Variants in NTM observed in about 807,000 individuals in gnomAD.
The protein encoded by NTM is neurotrimin.
A neutral mutation model predicts 42.1 loss-of-function variants in NTM; 13 were observed. That is an observed-to-expected ratio of 0.31 (90% CI 0.20 to 0.49). The LOEUF is 0.49. Among genes scored for constraint, NTM ranks in the 20% least tolerant of loss-of-function variants. NTM has a pLI of 0.99. For missense variants in NTM, 373 were observed against 452.8 expected, an observed-to-expected ratio of 0.82 and a Z score of 1.60; for synonymous variants, 187 against 179.2, an observed-to-expected ratio of 1.04 and a Z score of -0.35.
chr11:131,517,434 A>T (rs766411980), intron 1 of NTM, among the ~76,000 whole-genome samples: 2 of 152,148 alleles, frequency 1.3e-5, no homozygotes, highest in Non-Finnish European at 2.9e-5. Context: ...TTATAATTAC[A>T]AGAGGAATTA....
At chr11:131,644,612 C>T (rs1241499068) in intron 1 of NTM, among the ~76,000 whole-genome samples, 1 of 152,116 alleles carries the variant, frequency 6.6e-6, no homozygotes, top group Non-Finnish European at 1.5e-5. Flanking sequence ...TTGAGAAATC[C>T]TTTCATATTT....
At chr11:131,456,575 G>A (rs1216836141) in intron 1 of NTM, among the ~76,000 whole-genome samples, 2 of 146,210 alleles carry the variant, frequency 1.4e-5, no homozygotes, top group South Asian at 2.1e-4. Flanking sequence ...TAAGCAGCTT[G>A]CAAAGAGGGG....
intron 2 of NTM, among the ~76,000 whole-genome samples, chr11:131,931,175 T>C (rs2058558903): frequency 6.6e-6 from 1 of 152,138 alleles, no homozygotes; most frequent in South Asian, 2.1e-4. Context: ...AGGCCAGGTG[T>C]GGTGGCTTAC....
At chr11:131,638,609 C>T (rs1592319496) in intron 1 of NTM, among the ~76,000 whole-genome samples, 1 of 130,436 alleles carries the variant, frequency 7.7e-6, no homozygotes, top group Non-Finnish European at 1.7e-5. Context: ...AGGTAAATCA[C>T]ATAAAGAAAA....
chr11:131,716,594 T>G (rs2077714535), intron 1 of NTM, among the ~76,000 whole-genome samples: 1 of 152,198 alleles, frequency 6.6e-6, no homozygotes, highest in African/African-American at 2.4e-5. Flanking sequence ...AATTTGCATT[T>G]CCCTGATGAC....
intron 4 of NTM, among the ~76,000 whole-genome samples, chr11:132,223,401 A>G (rs2085545770): frequency 1.3e-5 from 2 of 152,200 alleles, no homozygotes. Context: ...GGATTCATTA[A>G]GAAGATACCT....
chr11:132,136,372 G>A (rs76482572), intron 2 of NTM, among the ~76,000 whole-genome samples: 2,193 of 152,330 alleles, frequency 0.014, 58 homozygotes, highest in African/African-American at 0.05. Context: ...AGGTCACTTA[G>A]TGAGAGAACA....
chr11:131,451,615 T>C lies in NTM; in HGVS notation c.82+80727T>C, dbSNP rs188538029. On this transcript the variant is annotated intron_variant, in intron 1 of 8. Transcript: ENST00000683400. ...GGTCATCTGGACATTTTGTAAGAGA[T>C]GGGTATGGCTGGAACAGGTGTTTAG... is the stretch of plus-strand genomic sequence containing the variant. Among the ~76,000 whole-genome samples, 120 of 152,046 alleles carry C rather than the reference T, an allele frequency of 7.9e-4. No individual in the cohort carries two copies. In the South Asian group the frequency reaches 0.015, roughly 20 times the overall value.
At chr11:132,264,651 A>T (rs2093067882) in intron 4 of NTM, among the ~76,000 whole-genome samples, 1 of 152,240 alleles carries the variant, frequency 6.6e-6, no homozygotes, top group Non-Finnish European at 1.5e-5. Context: ...CAAGATATAA[A>T]GAGATGAATG....
At chr11:131,432,209 G>C (rs1948711056) in intron 1 of NTM, among the ~76,000 whole-genome samples, 1 of 152,166 alleles carries the variant, frequency 6.6e-6, no homozygotes, top group Non-Finnish European at 1.5e-5. Context: ...GATGGTTCTT[G>C]AGAAGGGGTT....
At chr11:131,657,176 G>C (rs1220628666) in intron 1 of NTM, among the ~76,000 whole-genome samples, 1 of 151,890 alleles carries the variant, frequency 6.6e-6, no homozygotes, top group Non-Finnish European at 1.5e-5. Flanking sequence ...ATCGAAATGG[G>C]TCAGGTGAGG....
intron 2 of NTM, among the ~76,000 whole-genome samples, chr11:132,014,736 G>GTTTTTTTTT (rs146527050): frequency 2.0e-3 from 170 of 83,794 alleles, no homozygotes; most frequent in East Asian, 2.7e-3. Context: ...AGAATTACTT[G>GTTTTTTTTT]TTTTTTTTTT....
chr11:131,742,323 TG>T (rs1385597734), intron 1 of NTM, among the ~76,000 whole-genome samples: 2 of 152,230 alleles, frequency 1.3e-5, no homozygotes, highest in African/African-American at 4.8e-5. Context: ...AACAATAACT[TG>T]TTACTTTATT....
At chr11:131,935,526 T>C (rs948334720) in intron 2 of NTM, among the ~76,000 whole-genome samples, 6 of 152,126 alleles carry the variant, frequency 3.9e-5, no homozygotes, top group Non-Finnish European at 7.3e-5. Context: ...ATTGGAGGGT[T>C]ACATGCATGA....
chr11:131,824,368 G>A (rs908211989), intron 1 of NTM, among the ~76,000 whole-genome samples: 2 of 152,202 alleles, frequency 1.3e-5, no homozygotes, highest in Admixed American at 1.3e-4. Flanking sequence ...CAGACGTAGA[G>A]CTGGCTTTGG....
intron 2 of NTM, among the ~76,000 whole-genome samples, chr11:132,034,528 G>A (rs954918768): frequency 3.9e-5 from 6 of 152,196 alleles, no homozygotes; most frequent in Non-Finnish European, 8.8e-5. Context: ...AGTGGCAGAT[G>A]GGTTTACATT....
At chr11:132,035,675 T>TGC (rs2076424771) in intron 2 of NTM, among the ~76,000 whole-genome samples, 1 of 152,108 alleles carries the variant, frequency 6.6e-6, no homozygotes, top group Non-Finnish European at 1.5e-5. Context: ...TATGTGTGTG[T>TGC]GCCCATGTAC....
intron 1 of NTM, among the ~76,000 whole-genome samples, chr11:131,514,933 A>G (rs1591898741): frequency 6.6e-6 from 1 of 152,070 alleles, no homozygotes; most frequent in Admixed American, 6.6e-5. Flanking sequence ...GGAGAGAGAC[A>G]AGGTCTTCCT....
chr11:131,930,149 A>G (rs2058435223), intron 2 of NTM, among the ~76,000 whole-genome samples: 1 of 152,210 alleles, frequency 6.6e-6, no homozygotes. Context: ...ACATACTTCT[A>G]TTTTAAAAGG....
Sources: allele counts gnomAD v4.1 joint callset (sites outside exome capture counted in the v4.1 genomes callset), GRCh38; gene constraint gnomAD v4.1.1; transcripts MANE v1.5; gene names NCBI Gene and HGNC (gene_info 2026-07-23, HGNC 2026-07-21).